Variants in DIPK2B observed in about 807,000 individuals in gnomAD.
The protein encoded by DIPK2B is UPF0672 protein CXorf36.
In DIPK2B, 15 loss-of-function variants were observed where a neutral mutation model predicts 22.2. The ratio of observed to expected loss-of-function variants is 0.68; its 90% confidence interval spans 0.45 to 1.04. The LOEUF (loss-of-function observed/expected upper bound fraction) is 1.04, where lower values mean the gene tolerates loss of function less well. DIPK2B is among the 50% of genes least tolerant of loss of function. The pLI is 0.00. For synonymous variants in DIPK2B, 163 were observed against 153.2 expected (o/e 1.06, Z -0.47); for missense variants, 345 against 348.3 (o/e 0.99, Z 0.08).
intron 2 of DIPK2B, among the ~76,000 whole-genome samples, chrX:45,183,862 C>T (rs2047167470): frequency 9.0e-6 from 1 of 111,508 alleles, no homozygotes; most frequent in Non-Finnish European, 1.9e-5. Flanking sequence ...TTTTATTTGG[C>T]CCTGTTCTGG....
intron 2 of DIPK2B, among the ~76,000 whole-genome samples, chrX:45,161,939 C>T (rs10081932): frequency 0.3 from 33,414 of 111,097 alleles, 4,396 homozygotes; most frequent in African/African-American, 0.5. Context: ...GCTTTGGTGA[C>T]TCACTTTTGG....
At chrX:45,153,012 A>C (rs1283971849) in intron 4 of DIPK2B, among the ~76,000 whole-genome samples, 2 of 112,330 alleles carry the variant, frequency 1.8e-5, no homozygotes, top group Non-Finnish European at 3.8e-5. Context: ...GTATTCAATG[A>C]GTTGTAGTGT....
rs185484063 is a variant in DIPK2B at position 45,184,232 on chromosome X, G to A, written c.498+7519C>T. ...TGTATAATCTGTATGATTCCAGGGC[G>A]TAGAAATACTTTACATAAGTGAGAG... On this transcript the variant is annotated intron_variant, in intron 2 of 4. Coordinates refer to ENST00000398000, the MANE Select transcript of DIPK2B (RefSeq NM_176819.4). Among the ~76,000 whole-genome samples, 239 of 111,507 alleles carry A rather than the reference G, an allele frequency of 2.1e-3. 1 individual carries two copies. The highest frequency in any genetic ancestry group is 7.6e-3 in the African/African-American group (233 of 30,653).
rs149338448 is a variant in DIPK2B, at chrX:45,200,211, A to G, written c.233+383T>C. On this transcript the variant is annotated intron_variant, in intron 1 of 4. Coordinates refer to ENST00000398000, the MANE Select transcript of DIPK2B (RefSeq NM_176819.4). ...TGGCTATGTCTCAGCTTACCACCTC[A>G]ATAATGGGGGAACACCATTAACTCT... 1.9e-3 allele frequency among the ~76,000 whole-genome samples: 217 copies of G among 111,717 alleles called. 1 individual carries two copies. Among genetic ancestry groups the G allele is most frequent in the African/African-American group, 6.5e-3 (201 of 30,750 alleles).
At chrX:45,183,091 T>C (rs979104910) in intron 2 of DIPK2B, among the ~76,000 whole-genome samples, 1 of 112,428 alleles carries the variant, frequency 8.9e-6, no homozygotes, top group Non-Finnish European at 1.9e-5. Context: ...TATGTGTTTA[T>C]GTATGCAGTT....
intron 1 of DIPK2B, among the ~76,000 whole-genome samples, chrX:45,198,986 C>A (rs1252201589): frequency 1.8e-5 from 2 of 111,344 alleles, no homozygotes; most frequent in Non-Finnish European, 3.8e-5. Flanking sequence ...CCGTCCTGTC[C>A]ACTTTGCACG....
intron 3 of DIPK2B, among the ~76,000 whole-genome samples, chrX:45,155,739 GAAA>G (rs1434769750): frequency 2.7e-5 from 3 of 110,052 alleles, no homozygotes; most frequent in Non-Finnish European, 3.8e-5. Flanking sequence ...ATTTGTAGAT[GAAA>G]AGTGGGGAGG....
At position 45,187,120 on chromosome X, in the gene DIPK2B, G is replaced by A. The variant is rs755807485; in HGVS notation, c.498+4631C>T. 3.6e-5 allele frequency among the ~76,000 whole-genome samples: 4 copies of A among 112,076 alleles called. No individual in the cohort carries two copies. The East Asian group carries it at 1.1e-3, about 32-fold the overall frequency. ...GGGAAAGGCTCTGCGGCCATCTAGT[G>A]TATTCCCGTTTGGAGGAACACACTG... On this transcript the variant is annotated intron_variant, in intron 2 of 4. Coordinates refer to ENST00000398000, the MANE Select transcript of DIPK2B (RefSeq NM_176819.4).
chrX:45,199,168 C>G (rs2047255055), intron 1 of DIPK2B, among the ~76,000 whole-genome samples: 1 of 112,249 alleles, frequency 8.9e-6, no homozygotes, highest in Admixed American at 9.4e-5. Flanking sequence ...CATAAAATAC[C>G]TCACAAAAGA....
In DIPK2B at chrX:45,153,922, C is replaced by T. The variant is rs1431929196; in HGVS notation, c.949G>A (p.Asp317Asn). ...CCATGCTGAGTACCTTCCTGCTTGT[C>T]GATGACGCCCACTGCACTGGCATCC... ...IRDASAVGVI[D>N]KQEGSQEANR... is the part of the protein sequence containing the mutation. The change falls in exon 4 of 5, where the codon GAC becomes AAC. Residue 317 changes from aspartate (D) to asparagine (N), a missense_variant. Asp to Asn is a conservative substitution (Grantham distance 23, BLOSUM62 1). Coordinates refer to ENST00000398000, the MANE Select transcript of DIPK2B (RefSeq NM_176819.4). 2.6e-5 allele frequency: 31 copies of T among 1,206,644 alleles called. No individual in the cohort carries two copies. Among genetic ancestry groups the T allele is most frequent in the Middle Eastern group, 2.3e-4 (1 of 4,343 alleles).
At chrX:45,196,599 T>C (rs1237709323) in intron 1 of DIPK2B, among the ~76,000 whole-genome samples, 1 of 110,649 alleles carries the variant, frequency 9.0e-6, no homozygotes, top group Non-Finnish European at 1.9e-5. Flanking sequence ...AGACCAAGTG[T>C]GTCTAGTAAG....
intron 2 of DIPK2B, chrX:45,164,381 C>T: frequency 1.5e-6 from 1 of 682,959 alleles, no homozygotes; most frequent in Non-Finnish European, 2.1e-6. Flanking sequence ...TAAAATACTC[C>T]CATGTTCCAG....
chrX:45,177,156 A>G (rs184093731), intron 2 of DIPK2B, among the ~76,000 whole-genome samples: 2 of 109,335 alleles, frequency 1.8e-5, no homozygotes, highest in East Asian at 5.8e-4. Flanking sequence ...AAAATTTGCC[A>G]GGCATGGTGA....
At chrX:45,157,693 G>T (rs758124751) in intron 3 of DIPK2B, 22 bp downstream of exon 3, 1 of 1,171,059 alleles carries the variant, frequency 8.5e-7, no homozygotes, top group East Asian at 3.1e-5. Context: ...CAACCTAGAG[G>T]GCTTGCCAGG....
chrX:45,154,298 T>A (rs1176202544), intron 3 of DIPK2B, 100 bp from the exon 4 acceptor site: 12 of 623,684 alleles, frequency 1.9e-5, no homozygotes, highest in Non-Finnish European at 2.6e-5. Flanking sequence ...TATCTATCTA[T>A]CTATCTATCT....
intron 2 of DIPK2B, among the ~76,000 whole-genome samples, chrX:45,164,629 G>A (rs1242539420): frequency 1.8e-5 from 2 of 111,979 alleles, no homozygotes; most frequent in East Asian, 5.6e-4. Context: ...TGGGAGGCTA[G>A]GGGAGAGATA....
intron 2 of DIPK2B, among the ~76,000 whole-genome samples, chrX:45,189,239 G>A (rs1395277617): frequency 1.8e-5 from 2 of 112,242 alleles, no homozygotes; most frequent in Non-Finnish European, 3.8e-5. Flanking sequence ...TCTCTTGGGT[G>A]AATAGGCGAG....
At chrX:45,163,775 A>G (rs564798212) in intron 2 of DIPK2B, 6 of 764,304 alleles carry the variant, frequency 7.9e-6, no homozygotes, top group African/African-American at 6.8e-5. Flanking sequence ...CCAGACCAAA[A>G]TTTAGAAGTT....
intron 4 of DIPK2B, 78 bp from the exon 5 acceptor site, chrX:45,152,070 G>C (rs1365188362): frequency 2.2e-5 from 21 of 953,766 alleles, no homozygotes; most frequent in Non-Finnish European, 3.0e-5. Flanking sequence ...TAGAATTCCT[G>C]GGTGGGGCCG....
Sources: gnomAD v4.1 joint callset for allele counts (sites outside exome capture counted in the v4.1 genomes callset) on GRCh38, gnomAD v4.1.1 for gene constraint, MANE v1.5 for transcripts, NCBI Gene and HGNC (gene_info 2026-07-23, HGNC 2026-07-21) for gene names.